Variants in TMEM132B observed in about 807,000 individuals in gnomAD.
TMEM132B encodes transmembrane protein 132B.
TMEM132B carries 18 observed loss-of-function variants against 90.8 expected under a neutral mutation model. The observed-to-expected ratio is 0.20, with a 90% CI of 0.14 to 0.29. The LOEUF (loss-of-function observed/expected upper bound fraction) is 0.29, where lower values mean the gene tolerates loss of function less well. Among genes scored for constraint, TMEM132B ranks in the 10% least tolerant of loss-of-function variants. The probability of loss-of-function intolerance (pLI) is 1.00; values close to 1 mark genes in which losing one functional copy is unlikely to be tolerated. For missense variants in TMEM132B, 1,096 were observed against 1,326.8 expected (o/e 0.83, Z 2.70); for synonymous variants, 504 against 523.3 (o/e 0.96, Z 0.50).
At chr12:125,462,714 A>C (rs1881470002) in intron 3 of TMEM132B, among the ~76,000 whole-genome samples, 1 of 152,206 alleles carries the variant, frequency 6.6e-6, no homozygotes, top group Non-Finnish European at 1.5e-5. Context: ...GTTTCCATAA[A>C]GGCTTCTAAA....
chr12:125,293,063 G>C (rs551006183), intron 1 of TMEM132B, among the ~76,000 whole-genome samples: 1 of 152,310 alleles, frequency 6.6e-6, no homozygotes, highest in South Asian at 2.1e-4. Context: ...GGGAGCTGGG[G>C]AGCTCAGTGC....
intron 2 of TMEM132B, among the ~76,000 whole-genome samples, chr12:125,370,149 G>A (rs563245728): frequency 6.6e-6 from 1 of 152,328 alleles, no homozygotes; most frequent in Admixed American, 6.5e-5. Context: ...TGTGGCTTAA[G>A]ATCGGCTGCA....
At chr12:125,546,008 C>T (rs1302205032) in intron 4 of TMEM132B, among the ~76,000 whole-genome samples, 1 of 152,000 alleles carries the variant, frequency 6.6e-6, no homozygotes, top group Non-Finnish European at 1.5e-5. Context: ...ACAATTAATC[C>T]TTCTTAAGTA....
At position 125,415,587 on chromosome 12, in the gene TMEM132B, A is replaced by C; in HGVS notation, c.1016A>C (p.Gln339Pro). The C allele has an allele frequency of 6.2e-7, 1 of 1,614,208 alleles. No homozygotes were observed. Among genetic ancestry groups the C allele is most frequent in the Non-Finnish European group, 8.5e-7 (1 of 1,180,024 alleles). Residue 339 changes from glutamine to proline, a missense_variant, in exon 3 of 9, where the codon CAA becomes CCA. Coordinates refer to ENST00000682704, the MANE Select transcript of TMEM132B (RefSeq NM_001366854.1). This position sits in a 1 kb window ranked among gnomAD's most constrained non-coding sequence, Gnocchi z 5.3. ...GCAGTGAGAGTCAGCAGTGAGGACC[A>C]ATGGGCAGTCCAGGAGGAAATTGAT... ...ITAVRVSSED[Q>P]WAVQEEIDNG...
chr12:125,352,994 C>G (rs924688543), intron 2 of TMEM132B, among the ~76,000 whole-genome samples: 7 of 152,214 alleles, frequency 4.6e-5, no homozygotes, highest in African/African-American at 1.7e-4. Context: ...TGGTCTAAAA[C>G]CAGTTCTTGG....
At chr12:125,259,610 CT>C (rs1565985791) in intron 1 of TMEM132B, among the ~76,000 whole-genome samples, 1 of 152,136 alleles carries the variant, frequency 6.6e-6, no homozygotes, top group Admixed American at 6.5e-5. Flanking sequence ...GGAGGGAACC[CT>C]CCTTAAATGG....
At chr12:125,530,250 C>T (rs559150926) in intron 4 of TMEM132B, among the ~76,000 whole-genome samples, 1 of 149,176 alleles carries the variant, frequency 6.7e-6, no homozygotes, top group East Asian at 1.9e-4. Flanking sequence ...TTTTTTTAAA[C>T]CATTTCCCTA....
chr12:125,553,598 G>T (rs558481547), intron 4 of TMEM132B, among the ~76,000 whole-genome samples: 1 of 152,314 alleles, frequency 6.6e-6, no homozygotes, highest in East Asian at 1.9e-4. Flanking sequence ...AAGACTGAGT[G>T]TAGTGAAGAC....
intron 1 of TMEM132B, among the ~76,000 whole-genome samples, chr12:125,321,805 A>C (rs1223684293): frequency 6.6e-6 from 1 of 152,014 alleles, no homozygotes; most frequent in Non-Finnish European, 1.5e-5. Flanking sequence ...AAAAGTTAAG[A>C]TACACCACCA....
intron 1 of TMEM132B, among the ~76,000 whole-genome samples, chr12:125,228,413 G>A (rs1411546784): frequency 2.6e-5 from 4 of 152,210 alleles, no homozygotes; most frequent in African/African-American, 9.6e-5. Context: ...CACCTCTGGG[G>A]TGGGAAGGCA....
chr12:125,649,962 T>G (rs1886864581), intron 6 of TMEM132B, among the ~76,000 whole-genome samples: 1 of 152,152 alleles, frequency 6.6e-6, no homozygotes, highest in African/African-American at 2.4e-5. Context: ...GTTTTAGCAG[T>G]AGCTTGAGCA....
chr12:125,615,710 C>T (rs1187942197), intron 5 of TMEM132B, among the ~76,000 whole-genome samples: 1 of 152,098 alleles, frequency 6.6e-6, no homozygotes, highest in African/African-American at 2.4e-5. Context: ...TGGCTGCTTT[C>T]AACTCTTTGT....
At chr12:125,520,895 T>C (rs920140879) in intron 4 of TMEM132B, among the ~76,000 whole-genome samples, 7 of 152,172 alleles carry the variant, frequency 4.6e-5, no homozygotes, top group Non-Finnish European at 8.8e-5. Flanking sequence ...CCAGGGTCAT[T>C]TAGTTTTTGA....
intron 1 of TMEM132B, among the ~76,000 whole-genome samples, chr12:125,259,975 C>T (rs554537257): frequency 5.1e-4 from 77 of 151,962 alleles, no homozygotes; most frequent in Admixed American, 1.4e-3. Flanking sequence ...TGGCAGCCAT[C>T]GTCCTAGGGA....
rs1267835204 is a variant in TMEM132B, at chr12:125,655,100, A to G, written c.*390A>G. On this transcript the variant is annotated 3_prime_UTR_variant, in exon 9 of 9. Coordinates refer to ENST00000682704, the MANE Select transcript of TMEM132B (RefSeq NM_001366854.1). ...ACCTTTTAAAGCACAGTGGACACTT[A>G]TTGCCCCTTGGCCTGAGTTTAGACA... 1.6e-5 allele frequency: 3 copies of G among 186,698 alleles called. No individual in the cohort carries two copies. The highest frequency in any genetic ancestry group is 2.2e-5 in the Non-Finnish European group (2 of 89,130). The allele number at this position is 186,698 out of a possible 1,614,324, so 11.6% of individuals were successfully genotyped here. A position where few individuals can be genotyped will look rare whatever the true frequency, so the allele number is the denominator to read the frequency against.
chr12:125,329,686 C>A (rs1196237536), intron 1 of TMEM132B, among the ~76,000 whole-genome samples: 1 of 152,168 alleles, frequency 6.6e-6, no homozygotes, highest in African/African-American at 2.4e-5. Context: ...CACTCATTGT[C>A]ACTGACACAG....
chr12:125,546,196 T>A (rs1217265905), intron 4 of TMEM132B, among the ~76,000 whole-genome samples: 3 of 152,050 alleles, frequency 2.0e-5, no homozygotes, highest in Non-Finnish European at 2.9e-5. Context: ...TTTCTTTTTT[T>A]TTTTGAGACA....
At chr12:125,511,439 G>C (rs938405991) in intron 3 of TMEM132B, among the ~76,000 whole-genome samples, 7 of 152,074 alleles carry the variant, frequency 4.6e-5, no homozygotes, top group African/African-American at 1.4e-4. Context: ...AGAAACTCTG[G>C]AAATATTTAT....
At chr12:125,463,483 A>C (rs1881490708) in intron 3 of TMEM132B, among the ~76,000 whole-genome samples, 2 of 152,116 alleles carry the variant, frequency 1.3e-5, no homozygotes, top group African/African-American at 4.8e-5. Context: ...AATCAATTTT[A>C]TTTCTATTGC....
Sources: allele counts gnomAD v4.1 joint callset (sites outside exome capture counted in the v4.1 genomes callset), GRCh38; gene constraint gnomAD v4.1.1; non-coding constraint Gnocchi (gnomAD v3.1); transcripts MANE v1.5; gene names NCBI Gene and HGNC (gene_info 2026-07-23, HGNC 2026-07-21).